Variants in SLC29A4 observed in about 807,000 individuals in gnomAD.
The protein encoded by SLC29A4 is solute carrier family 29 member 4.
In SLC29A4, 36 loss-of-function variants were observed where a neutral mutation model predicts 43.9. That is an observed-to-expected ratio of 0.82 (90% CI 0.63 to 1.08). SLC29A4 has a LOEUF of 1.08. Among genes scored for constraint, SLC29A4 ranks in the 50% least tolerant of loss-of-function variants. The probability of loss-of-function intolerance (pLI) is 0.00; values close to 1 mark genes in which losing one functional copy is unlikely to be tolerated. For synonymous variants in SLC29A4, 491 were observed against 338.0 expected (o/e 1.45, Z -4.97); for missense variants, 869 against 755.3 (o/e 1.15, Z -1.77).
intron 1 of SLC29A4, among the ~76,000 whole-genome samples, chr7:5,286,542 GA>G (rs71702513): frequency 8.6e-6 from 1 of 116,302 alleles, no homozygotes; most frequent in Admixed American, 7.7e-5. Flanking sequence ...AAAGAAAAAA[GA>G]AAAAAATCAT....
At chr7:5,288,298 CTTTTTTTTTTTTTTT>C (rs34436127) in intron 2 of SLC29A4, among the ~76,000 whole-genome samples, 1 of 68,756 alleles carries the variant, frequency 1.5e-5, no homozygotes, top group Non-Finnish European at 2.6e-5. Flanking sequence ...CGTACAGCTT[CTTTTTTTTTTTTTTT>C]TTTTTTTTTT....
rs770275152 is a variant in SLC29A4 at position 5,302,891 on chromosome 7, C to G, written c.1545C>G (p.Ser515Arg). 4 of 1,605,934 alleles carry G rather than the reference C, an allele frequency of 2.5e-6. No individual in the cohort carries two copies. Among genetic ancestry groups the G allele is most frequent in the Non-Finnish European group, 3.4e-6 (4 of 1,177,076 alleles). The change falls in exon 11 of 11, where the codon AGC (serine) becomes AGG (arginine). Residue 515 changes from serine (S) to arginine (R), a missense_variant. By Grantham distance (110) the Ser-to-Arg change is moderately radical. Transcript: ENST00000396872. ...TYSLTRDAHG[S>R]CLHASTANGS... Reference sequence around the variant, plus strand: ...GCCTCACCCGCGACGCTCACGGCAGCTGCCTGCACGCCTCCACCGCCAATG... The same window carrying G: ...GCCTCACCCGCGACGCTCACGGCAGGTGCCTGCACGCCTCCACCGCCAATG...
At chr7:5,298,195 C>G (rs996882837) in intron 7 of SLC29A4, among the ~76,000 whole-genome samples, 6 of 152,162 alleles carry the variant, frequency 3.9e-5, no homozygotes, top group Non-Finnish European at 5.9e-5. Flanking sequence ...AACACCATCC[C>G]CAGGGGAGCC....
intron 10 of SLC29A4, among the ~76,000 whole-genome samples, chr7:5,301,304 T>G (rs796443304): frequency 6.7e-6 from 1 of 149,060 alleles, no homozygotes; most frequent in South Asian, 2.1e-4. Flanking sequence ...ACTGGTTGAA[T>G]GGCAGTAAGT....
chr7:5,295,580 G>T (rs564952661), intron 6 of SLC29A4, among the ~76,000 whole-genome samples: 1 of 152,378 alleles, frequency 6.6e-6, no homozygotes, highest in South Asian at 2.1e-4. Flanking sequence ...TGTGTGCGTG[G>T]AAGCCCCTCC....
chr7:5,305,247 G>C lies in SLC29A4; in HGVS notation c.*2308G>C, dbSNP rs1368433288. ...GGGGCCCAGGTGGGCGGCCACTTGG[G>C]CCAAGACTGCGCCAGGTGACACCAG... On this transcript the variant is annotated 3_prime_UTR_variant, in exon 11 of 11. Coordinates refer to ENST00000396872, the MANE Select transcript of SLC29A4 (RefSeq NM_153247.4). 6.6e-6 allele frequency: 1 copy of C among 152,356 alleles called. No individual in the cohort carries two copies. Among genetic ancestry groups the C allele is most frequent in the South Asian group, 2.1e-4 (1 of 4,838 alleles). The allele number at this position is 152,356 out of a possible 1,614,324, so 9.4% of individuals were successfully genotyped here. A position where few individuals can be genotyped will look rare whatever the true frequency, so the allele number is the denominator to read the frequency against.
chr7:5,290,594 T>C, intron 2 of SLC29A4, 138 bp from the exon 3 acceptor site: 2 of 1,178,570 alleles, frequency 1.7e-6, no homozygotes, highest in Non-Finnish European at 2.3e-6. Context: ...CAGAGGTATC[T>C]GGAACAGAGG....
chr7:5,284,451 C>T (rs981906792), intron 1 of SLC29A4, among the ~76,000 whole-genome samples: 3 of 152,032 alleles, frequency 2.0e-5, no homozygotes, highest in Non-Finnish European at 4.4e-5. Context: ...GCCTCAAGGC[C>T]AAAAAAATGA....
Position 5,289,280 on chromosome 7 carries a change from C to T in SLC29A4, c.169+1295C>T, listed in dbSNP as rs566300362. ...GGTGTGGTGGCACACGCCTGTAATC[C>T]CAGCTACTTCAGAGGCTGAGACAGG... is the stretch of plus-strand genomic sequence containing the variant. On this transcript the variant is annotated intron_variant, in intron 2 of 10. Transcript: ENST00000396872. 4.5e-4 allele frequency among the ~76,000 whole-genome samples: 69 copies of T among 152,204 alleles called. 1 individual carries two copies. In the South Asian group the frequency reaches 7.3e-3, roughly 16 times the overall value.
intron 2 of SLC29A4, 90 bp downstream of exon 2, chr7:5,288,075 C>T (rs1364436925): frequency 6.9e-7 from 1 of 1,444,680 alleles, no homozygotes; most frequent in African/African-American, 1.4e-5. Flanking sequence ...ATCGGGGAGC[C>T]ATGGGTGGTC....
chr7:5,287,482 C>A (rs188860615), intron 1 of SLC29A4, among the ~76,000 whole-genome samples: 1 of 151,918 alleles, frequency 6.6e-6, no homozygotes, highest in East Asian at 1.9e-4. Flanking sequence ...AAATTAATGT[C>A]CTCTGGATGG....
chr7:5,290,461 T>G (rs1249761608), intron 2 of SLC29A4, among the ~76,000 whole-genome samples: 4 of 152,034 alleles, frequency 2.6e-5, no homozygotes, highest in Non-Finnish European at 5.9e-5. Context: ...CCTCCCAGAG[T>G]GCTGGGATTA....
chr7:5,300,977 G>C (rs757647614), intron 10 of SLC29A4, among the ~76,000 whole-genome samples: 11 of 152,202 alleles, frequency 7.2e-5, no homozygotes, highest in Non-Finnish European at 1.2e-4. Context: ...AGGCAGCCCA[G>C]GCCGGGCACA....
intron 3 of SLC29A4, 31 bp from the exon 4 acceptor site, chr7:5,291,093 C>G (rs779817725): frequency 6.2e-7 from 1 of 1,608,982 alleles, no homozygotes; most frequent in East Asian, 2.2e-5. Context: ...TGGGGCCTCC[C>G]TGAGCACCTG....
chr7:5,301,542 G>C (rs529307208), intron 10 of SLC29A4, among the ~76,000 whole-genome samples: 1 of 152,182 alleles, frequency 6.6e-6, no homozygotes, highest in Non-Finnish European at 1.5e-5. Flanking sequence ...TGAGGCCAGG[G>C]GATGGAGCAG....
At chr7:5,299,177 GT>G (rs753415725) in intron 8 of SLC29A4, 51 bp downstream of exon 8, 24 of 1,599,210 alleles carry the variant, frequency 1.5e-5, no homozygotes, top group Non-Finnish European at 2.0e-5. Context: ...CAGGCAGGGG[GT>G]GGGGGAGGCA....
intron 9 of SLC29A4, among the ~76,000 whole-genome samples, chr7:5,300,107 C>T (rs890202237): frequency 1.3e-5 from 2 of 152,126 alleles, no homozygotes; most frequent in African/African-American, 2.4e-5. Context: ...TGGTGCGTGC[C>T]TATGGTCCCA....
intron 6 of SLC29A4, among the ~76,000 whole-genome samples, chr7:5,296,325 C>T (rs1477999475): frequency 1.3e-5 from 2 of 151,294 alleles, no homozygotes; most frequent in African/African-American, 4.9e-5. Flanking sequence ...GGCCCTACTG[C>T]GTCCTCAGAG....
chr7:5,297,248 C>G, intron 7 of SLC29A4, 50 bp downstream of exon 7: 1 of 1,447,670 alleles, frequency 6.9e-7, no homozygotes, highest in Non-Finnish European at 9.0e-7. Context: ...CCTTCTCTGT[C>G]CCCACCGCTT....
Sources: allele counts gnomAD v4.1 joint callset (sites outside exome capture counted in the v4.1 genomes callset), GRCh38; gene constraint gnomAD v4.1.1; transcripts MANE v1.5; gene names NCBI Gene and HGNC (gene_info 2026-07-23, HGNC 2026-07-21).